Variants in EMC2 observed in about 807,000 individuals in gnomAD.
EMC2 encodes ER membrane protein complex subunit 2.
In EMC2, 37 loss-of-function variants were observed where a neutral mutation model predicts 51.6. The ratio of observed to expected loss-of-function variants is 0.72; its 90% CI spans 0.55 to 0.94. The LOEUF is 0.94. Ranked by LOEUF, EMC2 falls within the 40% of genes least tolerant of loss-of-function variation. The probability of loss-of-function intolerance (pLI) is 0.00; values close to 1 mark genes in which losing one functional copy is unlikely to be tolerated. For missense variants in EMC2, 359 were observed against 350.9 expected (o/e 1.02, Z -0.18); for synonymous variants, 131 against 112.4 (o/e 1.17, Z -1.04).
intron 5 of EMC2, among the ~76,000 whole-genome samples, chr8:108,462,792 A>G (rs981293888): frequency 1.3e-5 from 2 of 151,588 alleles, no homozygotes; most frequent in African/African-American, 2.4e-5. Context: ...GCTGGAGTGC[A>G]GTGGTGCAAT....
At chr8:108,461,471 G>C (rs867083375) in intron 5 of EMC2, among the ~76,000 whole-genome samples, 2 of 152,114 alleles carry the variant, frequency 1.3e-5, no homozygotes, top group African/African-American at 4.8e-5. Flanking sequence ...TTGATGACTT[G>C]CTGCATGGGT....
chr8:108,486,943 T>C lies in EMC2; in HGVS notation c.*345T>C, dbSNP rs376778561. On this transcript the variant is annotated 3_prime_UTR_variant, in exon 11 of 11. Coordinates refer to ENST00000220853, the MANE Select transcript of EMC2 (RefSeq NM_014673.5). Reference sequence around the variant, plus strand: ...ATATGAAGATTCTAACTTCATTTTGTTATACTCACAGTGGATATATTGTTT... The same window carrying C: ...ATATGAAGATTCTAACTTCATTTTGCTATACTCACAGTGGATATATTGTTT... The C allele has an allele frequency of 9.0e-5, 15 of 167,100 alleles. No homozygotes were observed. The East Asian group carries it at 2.0e-3, about 22-fold the overall frequency. The allele number at this position is 167,100 out of a possible 1,614,324, so 10.4% of individuals were successfully genotyped here.
intron 4 of EMC2, among the ~76,000 whole-genome samples, chr8:108,453,946 A>T (rs1819093313): frequency 1.3e-5 from 2 of 152,098 alleles, no homozygotes; most frequent in South Asian, 4.1e-4. Flanking sequence ...CTTGAGAATG[A>T]GCCCTTTATA....
At chr8:108,484,022 A>G (rs1811091950) in intron 10 of EMC2, among the ~76,000 whole-genome samples, 1 of 152,126 alleles carries the variant, frequency 6.6e-6, no homozygotes, top group Admixed American at 6.6e-5. Flanking sequence ...CCACTTAATG[A>G]TGAAACAGAA....
At chr8:108,459,066 C>A (rs965817983) in intron 5 of EMC2, among the ~76,000 whole-genome samples, 1 of 152,198 alleles carries the variant, frequency 6.6e-6, no homozygotes. Flanking sequence ...AGTCTCTTTG[C>A]TAAAACATAA....
At chr8:108,468,566 C>A (rs533891489) in intron 5 of EMC2, among the ~76,000 whole-genome samples, 4 of 151,836 alleles carry the variant, frequency 2.6e-5, no homozygotes, top group African/African-American at 9.7e-5. Flanking sequence ...ATTTATTAGT[C>A]TCTTGATTTC....
chr8:108,483,012 A>G (rs952676495), intron 10 of EMC2, among the ~76,000 whole-genome samples: 1 of 152,074 alleles, frequency 6.6e-6, no homozygotes, highest in Non-Finnish European at 1.5e-5. Flanking sequence ...TCAATGTAGT[A>G]AAGAGAAGAT....
intron 7 of EMC2, among the ~76,000 whole-genome samples, chr8:108,471,274 G>A (rs1467688727): frequency 6.6e-6 from 1 of 151,808 alleles, no homozygotes; most frequent in Non-Finnish European, 1.5e-5. Flanking sequence ...TGAATTTTTA[G>A]AGTATAGTAA....
intron 10 of EMC2, 61 bp from the exon 11 acceptor site, chr8:108,486,451 C>T: frequency 6.9e-7 from 1 of 1,450,304 alleles, no homozygotes; most frequent in Non-Finnish European, 9.1e-7. Flanking sequence ...TGAAGATTGT[C>T]ATTTTTAACC....
intron 10 of EMC2, among the ~76,000 whole-genome samples, chr8:108,483,784 T>A (rs982231122): frequency 3.3e-5 from 5 of 152,146 alleles, no homozygotes; most frequent in Non-Finnish European, 7.4e-5. Flanking sequence ...AATCTAACTG[T>A]ATGAAAACAA....
chr8:108,455,040 G>C (rs4735064), intron 4 of EMC2, among the ~76,000 whole-genome samples: 78,388 of 151,678 alleles, frequency 0.52, 20,642 homozygotes, highest in Middle Eastern at 0.61. Context: ...AATTTTATAT[G>C]CGTTGGTGTA....
chr8:108,475,950 A>G lies in EMC2; in HGVS notation c.578A>G (p.Gln193Arg). ...MTNPHNHLYC[Q>R]QYAEVKYTQG... is the part of the protein sequence containing the mutation. ...AATCCACACAACCACTTATACTGTC[A>G]GCAGTATGCTGAAGTAAGTGTTTTC... The change falls in exon 8 of 11, where the codon CAG becomes CGG. Residue 193 changes from glutamine to arginine, a missense_variant. By Grantham distance (43) the Gln-to-Arg change is conservative. Coordinates refer to ENST00000220853, the MANE Select transcript of EMC2 (RefSeq NM_014673.5). 1 of 1,579,518 alleles carries G rather than the reference A, an allele frequency of 6.3e-7. No individual in the cohort carries two copies. Among genetic ancestry groups the G allele is most frequent in the Non-Finnish European group, 8.6e-7 (1 of 1,159,702 alleles).
At chr8:108,475,385 A>G (rs1810928994) in intron 7 of EMC2, 1 of 152,368 alleles carries the variant, frequency 6.6e-6, no homozygotes, top group Non-Finnish European at 1.5e-5. Flanking sequence ...TTGACAGTGA[A>G]CTTAAGTAAT....
At chr8:108,466,869 T>A (rs1319466147) in intron 5 of EMC2, among the ~76,000 whole-genome samples, 1 of 152,030 alleles carries the variant, frequency 6.6e-6, no homozygotes, top group African/African-American at 2.4e-5. Flanking sequence ...ACCTAGGGTT[T>A]TGTGTGGCTT....
At chr8:108,461,453 C>A (rs575716320) in intron 5 of EMC2, among the ~76,000 whole-genome samples, 5 of 152,172 alleles carry the variant, frequency 3.3e-5, no homozygotes, top group Non-Finnish European at 5.9e-5. Context: ...TTATTAAATT[C>A]TCTTTCTTTG....
At chr8:108,470,559 A>G (rs1276689727) in intron 7 of EMC2, among the ~76,000 whole-genome samples, 3 of 152,128 alleles carry the variant, frequency 2.0e-5, no homozygotes, top group African/African-American at 4.8e-5. Flanking sequence ...AAGAGAATCA[A>G]CTCTTCCAAA....
Position 108,486,542 on chromosome 8 carries a change from T to C in EMC2, c.838T>C (p.Tyr280His). 6.3e-7 allele frequency: 1 copy of C among 1,578,008 alleles called. No individual in the cohort carries two copies. The highest frequency in any genetic ancestry group is 8.6e-7 in the Non-Finnish European group (1 of 1,163,998). Reference sequence around the variant, plus strand: ...AGGTCGAAGTAAGAAGGAAACCAAATATTCTCTTAAGGCTGTCGAAGACAT... The same window carrying C: ...AGGTCGAAGTAAGAAGGAAACCAAACATTCTCTTAAGGCTGTCGAAGACAT... ...FAGRSKKETK[Y>H]SLKAVEDMLE... The change falls in exon 11 of 11, where the codon TAT becomes CAT. Residue 280 changes from tyrosine (Y) to histidine (H), a missense_variant. Physicochemically the swap from Tyr to His is moderately conservative, Grantham distance 83 (BLOSUM62 2). Coordinates refer to ENST00000220853, the MANE Select transcript of EMC2 (RefSeq NM_014673.5).
chr8:108,466,999 A>T (rs1810735210), intron 5 of EMC2, among the ~76,000 whole-genome samples: 1 of 152,174 alleles, frequency 6.6e-6, no homozygotes, highest in South Asian at 2.1e-4. Flanking sequence ...AGACATGAAC[A>T]GATTCAGGAG....
intron 5 of EMC2, among the ~76,000 whole-genome samples, chr8:108,460,259 A>G (rs1187376371): frequency 2.6e-5 from 4 of 152,202 alleles, no homozygotes; most frequent in Admixed American, 1.3e-4. Flanking sequence ...TTAATAAGTT[A>G]TTTCACTTCT....
Sources: allele counts gnomAD v4.1 joint callset (sites outside exome capture counted in the v4.1 genomes callset), GRCh38; gene constraint gnomAD v4.1.1; transcripts MANE v1.5; gene names NCBI Gene and HGNC (gene_info 2026-07-23, HGNC 2026-07-21).